Variants in RUFY2 observed in about 807,000 individuals in gnomAD.
The protein encoded by RUFY2 is RUN and FYVE domain containing 2.
A neutral mutation model predicts 94.4 loss-of-function variants in RUFY2; 49 were observed. That is an observed-to-expected ratio of 0.52 (90% CI 0.41 to 0.66). The LOEUF (loss-of-function observed/expected upper bound fraction) is 0.66, where lower values mean the gene tolerates loss of function less well. Ranked by LOEUF, RUFY2 falls within the 30% of genes least tolerant of loss-of-function variation. The probability of loss-of-function intolerance (pLI) is 0.00; values close to 1 mark genes in which losing one functional copy is unlikely to be tolerated. For synonymous variants in RUFY2, 255 were observed against 235.7 expected, an observed-to-expected ratio of 1.08 and a Z score of -0.75; for missense variants, 541 against 692.8, an observed-to-expected ratio of 0.78 and a Z score of 2.46.
chr10:68,352,897 G>A (rs971633211), intron 16 of RUFY2, among the ~76,000 whole-genome samples: 1 of 151,624 alleles, frequency 6.6e-6, no homozygotes, highest in Non-Finnish European at 1.5e-5. Context: ...TTCAGCCTGG[G>A]CAACAGAGGG....
downstream of RUFY2, chr10:68,343,251 T>A (rs1234364759): frequency 6.6e-6 from 1 of 152,222 alleles, no homozygotes; most frequent in East Asian, 1.9e-4. Flanking sequence ...ATCAAATTGG[T>A]AGAAGGTGGT....
chr10:68,359,498 CTATATA>C (rs778310947), intron 15 of RUFY2, among the ~76,000 whole-genome samples: 2 of 142,996 alleles, frequency 1.4e-5, no homozygotes, highest in East Asian at 2.0e-4. Context: ...AGTAGTACTA[CTATATA>C]TATAAATATA....
intron 2 of RUFY2, among the ~76,000 whole-genome samples, chr10:68,402,407 C>T (rs2050917824): frequency 6.6e-6 from 1 of 152,054 alleles, no homozygotes; most frequent in African/African-American, 2.4e-5. Context: ...TACAGGGTGC[C>T]TATCATATAC....
At chr10:68,376,491 T>TATATATATATTCA (rs1589884310) in intron 13 of RUFY2, among the ~76,000 whole-genome samples, 3 of 103,410 alleles carry the variant, frequency 2.9e-5, no homozygotes, top group African/African-American at 6.9e-5. Flanking sequence ...TATATATATA[T>TATATATATATTCA]TCTCAGAAAA....
Position 68,401,737 on chromosome 10 carries a change from A to G in RUFY2, c.179T>C (p.Val60Ala). Residue 60 changes from valine (V) to alanine (A), a missense_variant and splice_region_variant, in exon 3 of 18, where the codon GTA becomes GCA. Val to Ala is a moderately conservative substitution (Grantham distance 64). Around this residue, in one of 3 missense-constraint regions of RUFY2, gnomAD observed 85 missense variants for 153.4 expected, o/e 0.55. Coordinates refer to ENST00000602465, the MANE Select transcript of RUFY2 (RefSeq NM_001330103.2). ...MEHCLKHGLKVRKSFLSYNKT... is the reference protein window; with the variant it reads ...MEHCLKHGLKARKSFLSYNKT... ...GTTGTAACTCAAAAATGATTTTCTT[A>G]CTGAAAAAAAGAACACATAATGCAC... is the stretch of plus-strand genomic sequence containing the variant. The G allele has an allele frequency of 6.3e-7, 1 of 1,586,842 alleles. No homozygotes were observed. The highest frequency in any genetic ancestry group is 8.7e-7 in the Non-Finnish European group (1 of 1,155,232).
chr10:68,393,136 A>T lies in RUFY2; in HGVS notation c.650+2T>A. The T allele has an allele frequency of 6.8e-7, 1 of 1,480,106 alleles. No homozygotes were observed. The highest frequency in any genetic ancestry group is 9.3e-7 in the Non-Finnish European group (1 of 1,070,714). 91.7% of individuals were successfully genotyped at this position (1,480,106 alleles called of 1,614,324 possible). On this transcript the variant is annotated splice_donor_variant, in intron 7 of 17. Coordinates refer to ENST00000602465, the MANE Select transcript of RUFY2 (RefSeq NM_001330103.2). LOFTEE classifies it high-confidence loss of function. The stretch of plus-strand genomic sequence containing the variant: ...AATGTGCTAAGTATCCATAATACTT[A>T]CTTCAGTTGTCTATTTAATTCTTCA...
intron 16 of RUFY2, 47 bp from the exon 17 acceptor site, chr10:68,346,131 T>G (rs200239363): frequency 7.0e-7 from 1 of 1,438,628 alleles, no homozygotes; most frequent in Non-Finnish European, 9.6e-7. Flanking sequence ...CACTAAAAAT[T>G]AAATGTGAAA....
At chr10:68,348,412 G>C (rs1174096145) in intron 16 of RUFY2, among the ~76,000 whole-genome samples, 1 of 151,828 alleles carries the variant, frequency 6.6e-6, no homozygotes, top group Non-Finnish European at 1.5e-5. Flanking sequence ...AGCTACTTGG[G>C]AGGCTGAGGT....
At chr10:68,362,489 T>C (rs1010635625) in intron 15 of RUFY2, among the ~76,000 whole-genome samples, 7 of 152,096 alleles carry the variant, frequency 4.6e-5, no homozygotes, top group Middle Eastern at 3.4e-3. Context: ...ACACAGACTA[T>C]GGGGAACAAA....
chr10:68,378,495 T>C lies in RUFY2; in HGVS notation c.1205+929A>G, dbSNP rs373073392. On this transcript the variant is annotated intron_variant, in intron 12 of 17. Transcript: ENST00000602465. ...AATATTTAATAGCATTTAGATTCCT[T>C]TCTATTTAATATATTATAAAATTGT... 3.2e-4 allele frequency: 438 copies of C among 1,383,066 alleles called. 5 individuals are homozygous for C. The South Asian group carries it at 7.3e-3, about 23-fold the overall frequency. 85.7% of individuals were successfully genotyped at this position (1,383,066 alleles called of 1,614,324 possible). A position where few individuals can be genotyped will look rare whatever the true frequency, so the allele number is the denominator to read the frequency against.
intron 3 of RUFY2, among the ~76,000 whole-genome samples, chr10:68,399,682 G>A (rs900976676): frequency 1.3e-5 from 2 of 152,106 alleles, no homozygotes; most frequent in Non-Finnish European, 2.9e-5. Context: ...GAAAACAAAC[G>A]ATTAACCTTA....
chr10:68,353,885 G>C (rs2046869327), intron 16 of RUFY2, among the ~76,000 whole-genome samples: 1 of 151,884 alleles, frequency 6.6e-6, no homozygotes, highest in Non-Finnish European at 1.5e-5. Flanking sequence ...GATTATACTG[G>C]GAGACCAGAA....
intron 8 of RUFY2, among the ~76,000 whole-genome samples, chr10:68,385,256 T>TC (rs1278644469): frequency 6.7e-6 from 1 of 149,116 alleles, no homozygotes; most frequent in Non-Finnish European, 1.5e-5. Flanking sequence ...AGAGCAAGAC[T>TC]CCATCTCAAA....
At chr10:68,341,386 T>A (rs2045925550), downstream of RUFY2, 1 of 1,454,204 alleles carries the variant, frequency 6.9e-7, no homozygotes, top group South Asian at 1.2e-5. Flanking sequence ...GATCTGTAGG[T>A]AACGCTTGGC....
intron 7 of RUFY2, among the ~76,000 whole-genome samples, chr10:68,391,969 A>AAAACAAAC (rs770942164): frequency 7.2e-5 from 11 of 151,978 alleles, no homozygotes; most frequent in Non-Finnish European, 7.4e-5. Context: ...CTGTCTCAAA[A>AAAACAAAC]AAACAAACAA....
At chr10:68,403,176 A>C (rs1388177339) in intron 2 of RUFY2, among the ~76,000 whole-genome samples, 1 of 151,092 alleles carries the variant, frequency 6.6e-6, no homozygotes, top group African/African-American at 2.4e-5. Flanking sequence ...AAGTCACAGA[A>C]TAATGCTAAT....
intron 12 of RUFY2, chr10:68,378,819 T>C (rs980304689): frequency 3.4e-6 from 2 of 590,406 alleles, no homozygotes; most frequent in Non-Finnish European, 5.8e-6. Flanking sequence ...CATTAATAGT[T>C]ATGTTTTTCA....
At chr10:68,346,173 AT>A (rs2134885903) in intron 16 of RUFY2, 89 bp from the exon 17 acceptor site, 1 of 902,348 alleles carries the variant, frequency 1.1e-6, no homozygotes, top group East Asian at 2.6e-5. Context: ...ATTTATAGGA[AT>A]AGATATATGA....
intron 16 of RUFY2, among the ~76,000 whole-genome samples, chr10:68,353,650 T>A (rs76579699): frequency 6.6e-6 from 1 of 151,686 alleles, no homozygotes; most frequent in African/African-American, 2.4e-5. Context: ...AATTTAAAAA[T>A]TAGCCAGGCA....
Sources: gnomAD v4.1 joint callset for allele counts (sites outside exome capture counted in the v4.1 genomes callset) on GRCh38, gnomAD v4.1.1 for gene constraint, gnomAD v4.1.1 regional missense constraint, MANE v1.5 for transcripts, NCBI Gene and HGNC (gene_info 2026-07-23, HGNC 2026-07-21) for gene names.